ST7L: variants seen among roughly 807,000 people sequenced by gnomAD.
ST7L encodes suppressor of tumorigenicity 7 protein-like.
Under a neutral mutation model 72.5 loss-of-function variants are expected in ST7L, and 57 were observed. That is an observed-to-expected ratio of 0.79 (90% CI 0.64 to 0.98). The LOEUF is 0.98. Ranked by LOEUF, ST7L falls within the 50% of genes least tolerant of loss-of-function variation. ST7L has a pLI of 0.00. For synonymous variants in ST7L, 221 were observed against 240.9 expected (o/e 0.92, Z 0.77); for missense variants, 576 against 672.2 (o/e 0.86, Z 1.58).
At chr1:112,539,668 A>AAAAAAG (rs1338383645) in intron 14 of ST7L, 10 of 960,458 alleles carry the variant, frequency 1.0e-5, no homozygotes, top group Admixed American at 6.8e-5. Context: ...AAAAAAAAAA[A>AAAAAAG]AAAAAGAAAA....
intron 1 of ST7L, chr1:112,618,652 A>G (rs1272030435): frequency 3.2e-6 from 2 of 632,828 alleles, no homozygotes; most frequent in Non-Finnish European, 5.2e-6. Context: ...ATAGCTTGTC[A>G]GGTGGCTTTT....
rs1406092185 is a variant in ST7L, at chr1:112,524,006, A to C, written c.*2007T>G. On this transcript the variant is annotated 3_prime_UTR_variant, in exon 15 of 15. Transcript: ENST00000358039. ...AATCAGGGGCTTCAGATTAAAAAAAAAAACAAAAAACAAAAAACAAAAACA... is the reference window on the plus strand; with the variant it reads ...AATCAGGGGCTTCAGATTAAAAAAACAAACAAAAAACAAAAAACAAAAACA... The C allele has an allele frequency of 6.6e-6, 1 of 151,908 alleles. No homozygotes were observed. Among genetic ancestry groups the C allele is most frequent in the Non-Finnish European group, 1.5e-5 (1 of 67,952 alleles). 9.4% of individuals were successfully genotyped at this position (151,908 alleles called of 1,614,324 possible).
At chr1:112,575,963 G>A (rs1663031483) in intron 11 of ST7L, among the ~76,000 whole-genome samples, 1 of 152,088 alleles carries the variant, frequency 6.6e-6, no homozygotes, top group Non-Finnish European at 1.5e-5. Flanking sequence ...TCTCTTTACT[G>A]TAGCTCTTTA....
At chr1:112,529,053 G>A (rs1653932188) in intron 14 of ST7L, 1 of 152,130 alleles carries the variant, frequency 6.6e-6, no homozygotes, top group African/African-American at 2.4e-5. Flanking sequence ...TAACTTCTGA[G>A]GATAAAAACC....
At chr1:112,556,083 ATTC>A in intron 11 of ST7L, 65 bp from the exon 12 acceptor site, 1 of 1,215,242 alleles carries the variant, frequency 8.2e-7, no homozygotes, top group Non-Finnish European at 1.1e-6. Flanking sequence ...ATTGTGTTAA[ATTC>A]AAACACCCAC....
chr1:112,613,695 T>C (rs1669416564), intron 2 of ST7L, among the ~76,000 whole-genome samples: 1 of 152,116 alleles, frequency 6.6e-6, no homozygotes, highest in Admixed American at 6.5e-5. Flanking sequence ...TGCGGTTTTA[T>C]AAAGAGTAAC....
intron 14 of ST7L, 93 bp from the exon 15 acceptor site, chr1:112,526,204 A>G (rs1270980002): frequency 1.3e-6 from 2 of 1,556,144 alleles, no homozygotes; most frequent in Non-Finnish European, 8.7e-7. Flanking sequence ...ACAAAGGAAC[A>G]GCCTAGGCCC....
intron 11 of ST7L, among the ~76,000 whole-genome samples, chr1:112,570,895 A>G (rs1433044389): frequency 6.6e-6 from 1 of 152,120 alleles, no homozygotes; most frequent in Non-Finnish European, 1.5e-5. Context: ...CTTCTCCAAA[A>G]GTGGTGGCTC....
At chr1:112,581,966 C>G (rs41310106) in intron 9 of ST7L, 26 bp downstream of exon 9, 1,212 of 1,339,556 alleles carry the variant, frequency 9.0e-4, no homozygotes, top group Admixed American at 1.7e-3. Context: ...AATAACCATG[C>G]TATCAACTAA....
intron 11 of ST7L, among the ~76,000 whole-genome samples, chr1:112,570,519 A>G (rs1041889563): frequency 2.0e-5 from 3 of 148,026 alleles, no homozygotes; most frequent in Non-Finnish European, 4.4e-5. Flanking sequence ...AACCATTTGT[A>G]TAATAAATTT....
At chr1:112,538,755 G>C (rs952151723) in intron 14 of ST7L, among the ~76,000 whole-genome samples, 1 of 152,182 alleles carries the variant, frequency 6.6e-6, no homozygotes, top group African/African-American at 2.4e-5. Context: ...AAACAAGAAG[G>C]GGGTAGGGTT....
chr1:112,612,374 G>A lies in ST7L; in HGVS notation c.289-1371C>T, dbSNP rs1428024231. On this transcript the variant is annotated intron_variant, in intron 2 of 14. Transcript: ENST00000358039. ...TGGCCTCACAAAGTGCTAGGATTAT[G>A]GGTGTAAGCTACCATGACCGGCCAG... 2.6e-5 allele frequency among the ~76,000 whole-genome samples: 4 copies of A among 152,222 alleles called. No homozygotes were observed. In the East Asian group the frequency reaches 7.7e-4, roughly 29 times the overall value.
At position 112,541,269 on chromosome 1, in the gene ST7L, G is replaced by A. The variant is rs187688182; in HGVS notation, c.1629+682C>T. ...ACTGCACTCCAGCCTGGGTCACAGC[G>A]AGACCTTGTCTCAGAAAAAAAAAAA... On this transcript the variant is annotated intron_variant, in intron 14 of 14. Transcript: ENST00000358039. Among the ~76,000 whole-genome samples the A allele has an allele frequency of 1.1e-4, 17 of 151,170 alleles. 1 individual carries two copies. Among genetic ancestry groups the A allele is most frequent in the Non-Finnish European group, 1.2e-4 (8 of 67,894 alleles).
At chr1:112,574,966 C>T (rs1396034497) in intron 11 of ST7L, among the ~76,000 whole-genome samples, 11 of 152,130 alleles carry the variant, frequency 7.2e-5, no homozygotes, top group South Asian at 2.1e-4. Context: ...AGGCTGGGCG[C>T]GGTGGCTTAT....
chr1:112,618,839 G>T, intron 1 of ST7L, 70 bp downstream of exon 1: 1 of 1,527,726 alleles, frequency 6.5e-7, no homozygotes. Context: ...AGAATCTCTT[G>T]CCCTTTGGCT....
At chr1:112,544,013 A>G (rs1656655123) in intron 13 of ST7L, among the ~76,000 whole-genome samples, 1 of 152,154 alleles carries the variant, frequency 6.6e-6, no homozygotes, top group Non-Finnish European at 1.5e-5. Context: ...TTCGTTATCA[A>G]TTATACTCAA....
chr1:112,519,026 T>G (rs1652714335), downstream of ST7L, among the ~76,000 whole-genome samples: 1 of 152,196 alleles, frequency 6.6e-6, no homozygotes, highest in Admixed American at 6.5e-5. Context: ...ATGTGACTAG[T>G]GGCTGCTACC....
At chr1:112,519,872 C>CTTTTTTTT (rs71081244), downstream of ST7L, among the ~76,000 whole-genome samples, 6 of 115,628 alleles carry the variant, frequency 5.2e-5, no homozygotes, top group Admixed American at 1.9e-4. Flanking sequence ...GCCCATGCTT[C>CTTTTTTTT]TTTTTTTTTT....
chr1:112,541,767 G>A (rs934186283), intron 14 of ST7L, 184 bp downstream of exon 14: 4 of 1,316,162 alleles, frequency 3.0e-6, no homozygotes, highest in Non-Finnish European at 3.9e-6. Flanking sequence ...TTAAGCAACA[G>A]AAGTAGCTCA....
Sources: gnomAD v4.1 joint callset for allele counts (sites outside exome capture counted in the v4.1 genomes callset) on GRCh38, gnomAD v4.1.1 for gene constraint, MANE v1.5 for transcripts, NCBI Gene and HGNC (gene_info 2026-07-23, HGNC 2026-07-21) for gene names.